The following MARCO variants were observed in gnomAD, a reference collection of about 807,000 sequenced individuals.
MARCO encodes the protein macrophage receptor MARCO.
MARCO carries 72 observed loss-of-function variants against 70.0 expected under a neutral mutation model. The observed-to-expected ratio is 1.03, with a 90% CI of 0.85 to 1.25. The LOEUF (loss-of-function observed/expected upper bound fraction) is 1.25, where lower values mean the gene tolerates loss of function less well. MARCO is among the 50% of genes most tolerant of loss of function. MARCO has a pLI of 0.00. For synonymous variants in MARCO, 273 were observed against 243.1 expected, an observed-to-expected ratio of 1.12 and a Z score of -1.14; for missense variants, 696 against 659.3, an observed-to-expected ratio of 1.06 and a Z score of -0.61.
At position 118,977,926 on chromosome 2, in the gene MARCO, G is replaced by A; in HGVS notation, c.757G>A (p.Gly253Ser). Residue 253 changes from glycine (G) to serine (S), a missense_variant, in exon 8 of 17, where the codon GGT (glycine) becomes AGT (serine). Around this residue, in one of 3 missense-constraint regions of MARCO, gnomAD observed 605 missense variants for 537.6 expected, o/e 1.13. Transcript: ENST00000327097. ...AACTAAGGGAGAGAAAGGAGACCTG[G>A]GTCTCCCAGGTGAGGGCCGTATTGG... Reference protein sequence around the residue: ...TGTKGEKGDLGLPGSKGDRGM... With the variant: ...TGTKGEKGDLSLPGSKGDRGM... 2 of 1,602,872 alleles carry A rather than the reference G, an allele frequency of 1.2e-6. No individual in the cohort carries two copies. The highest frequency in any genetic ancestry group is 2.2e-5 in the South Asian group (2 of 88,968).
In MARCO at chr2:118,962,530, A is replaced by G. The variant is rs546685692; in HGVS notation, c.98-6630A>G. Among the ~76,000 whole-genome samples, 63 of 151,822 alleles carry G rather than the reference A, an allele frequency of 4.1e-4. 1 individual carries two copies. In the South Asian group the frequency reaches 0.011, roughly 27 times the overall value. On this transcript the variant is annotated intron_variant, in intron 1 of 16. Transcript: ENST00000327097. The stretch of plus-strand genomic sequence containing the variant: ...TTGTTCTCTGCTTGCCTTTTACTGA[A>G]GATTTTTGTGTCAAAGTTCATGAAA...
chr2:118,982,529 C>G, intron 12 of MARCO, 119 bp downstream of exon 12: 1 of 966,494 alleles, frequency 1.0e-6, no homozygotes, highest in East Asian at 2.4e-5. Context: ...GCCTTGGCCT[C>G]TGAGGTTCCT....
At chr2:118,975,280 C>T (rs1573396392) in intron 6 of MARCO, among the ~76,000 whole-genome samples, 1 of 152,112 alleles carries the variant, frequency 6.6e-6, no homozygotes, top group Non-Finnish European at 1.5e-5. Flanking sequence ...TTGCAAATTC[C>T]GCAAGGGGTT....
chr2:118,957,329 A>G (rs1448409292), intron 1 of MARCO, among the ~76,000 whole-genome samples: 1 of 152,122 alleles, frequency 6.6e-6, no homozygotes, highest in Non-Finnish European at 1.5e-5. Flanking sequence ...ATTGAAATAC[A>G]AAAGATCATT....
chr2:118,971,326 T>C (rs1282455365), intron 3 of MARCO, among the ~76,000 whole-genome samples, 173 bp from the exon 4 acceptor site: 1 of 152,186 alleles, frequency 6.6e-6, no homozygotes, highest in Non-Finnish European at 1.5e-5. Context: ...CCAAGGACTC[T>C]TTCCCAAAAA....
chr2:118,981,761 C>T (rs903588510), intron 10 of MARCO, 105 bp downstream of exon 10: 20 of 1,176,684 alleles, frequency 1.7e-5, no homozygotes, highest in South Asian at 1.3e-4. Flanking sequence ...TAGTATTCAC[C>T]CAGAACACCT....
chr2:118,968,515 G>A (rs1680098701), intron 1 of MARCO, among the ~76,000 whole-genome samples: 1 of 152,178 alleles, frequency 6.6e-6, no homozygotes, highest in Non-Finnish European at 1.5e-5. Flanking sequence ...GGACAGGAGG[G>A]ATGGGAGGAA....
chr2:118,994,443 T>C lies in MARCO; in HGVS notation c.1486T>C (p.Trp496Arg). 6.2e-7 allele frequency: 1 copy of C among 1,614,062 alleles called. No individual in the cohort carries two copies. The highest frequency in any genetic ancestry group is 8.5e-7 in the Non-Finnish European group (1 of 1,179,980). ...GTGTCGGGGCACGGAGAGTACCCTG[T>C]GGAGCTGCACCAAGAATAGCTGGGG... is the stretch of plus-strand genomic sequence containing the variant. Reference protein sequence around the residue: ...VQCRGTESTLWSCTKNSWGHH... With the variant: ...VQCRGTESTLRSCTKNSWGHH... Residue 496 changes from tryptophan (W) to arginine (R), a missense_variant, in exon 17 of 17, where the codon TGG (tryptophan) becomes CGG (arginine). Trp to Arg is a moderately radical substitution (Grantham distance 101). This residue lies in a region of MARCO where 58 missense variants were observed against 62.1 expected (regional missense o/e 0.93). Coordinates refer to ENST00000327097, the MANE Select transcript of MARCO (RefSeq NM_006770.4).
intron 1 of MARCO, among the ~76,000 whole-genome samples, chr2:118,963,926 C>T (rs1385525242): frequency 6.6e-6 from 1 of 152,080 alleles, no homozygotes; most frequent in Non-Finnish European, 1.5e-5. Context: ...GTTTCCCATT[C>T]ATGTATTTCT....
At chr2:118,967,228 C>T (rs1212633662) in intron 1 of MARCO, among the ~76,000 whole-genome samples, 1 of 152,168 alleles carries the variant, frequency 6.6e-6, no homozygotes, top group South Asian at 2.1e-4. Context: ...TGAAGCAGGA[C>T]GGGCTCTACT....
intron 1 of MARCO, among the ~76,000 whole-genome samples, chr2:118,943,721 T>C (rs1023373016): frequency 1.3e-5 from 2 of 152,256 alleles, no homozygotes; most frequent in South Asian, 4.1e-4. Flanking sequence ...CATGTTTGTA[T>C]TGTATTCACA....
At chr2:118,950,650 G>T (rs1476992738) in intron 1 of MARCO, among the ~76,000 whole-genome samples, 2 of 152,050 alleles carry the variant, frequency 1.3e-5, no homozygotes, top group Non-Finnish European at 2.9e-5. Context: ...TTATAATTTT[G>T]TTTTTCACAA....
chr2:118,966,872 C>A (rs940900663), intron 1 of MARCO, among the ~76,000 whole-genome samples: 1 of 152,216 alleles, frequency 6.6e-6, no homozygotes, highest in African/African-American at 2.4e-5. Flanking sequence ...AAATGTGAGG[C>A]TCCCCTCGTG....
chr2:118,942,964 T>C (rs1359885024), intron 1 of MARCO, among the ~76,000 whole-genome samples: 1 of 152,262 alleles, frequency 6.6e-6, no homozygotes, highest in Non-Finnish European at 1.5e-5. Context: ...CTGTTGTCTT[T>C]ATTTTCTCAC....
At chr2:118,946,207 C>G (rs993867634) in intron 1 of MARCO, among the ~76,000 whole-genome samples, 1 of 152,096 alleles carries the variant, frequency 6.6e-6, no homozygotes, top group African/African-American at 2.4e-5. Context: ...AAAATTACAA[C>G]CAGGAAACTG....
intron 1 of MARCO, among the ~76,000 whole-genome samples, chr2:118,946,949 A>G (rs1165546922): frequency 6.6e-6 from 1 of 152,194 alleles, no homozygotes. Flanking sequence ...CTTAAATACC[A>G]TATGTATAGC....
chr2:118,968,956 A>G (rs1014004276), intron 1 of MARCO, among the ~76,000 whole-genome samples: 2 of 152,266 alleles, frequency 1.3e-5, no homozygotes, highest in African/African-American at 4.8e-5. Context: ...CCAGCCACAC[A>G]GATGAGTGAC....
chr2:118,973,990 C>T (rs184954794), intron 4 of MARCO, among the ~76,000 whole-genome samples: 177 of 152,294 alleles, frequency 1.2e-3, no homozygotes, highest in Middle Eastern at 3.4e-3. Context: ...ATGGTCCCCA[C>T]GTGGTAATCT....
intron 1 of MARCO, among the ~76,000 whole-genome samples, chr2:118,966,578 G>C (rs911887012): frequency 3.9e-5 from 6 of 152,094 alleles, no homozygotes; most frequent in African/African-American, 1.4e-4. Flanking sequence ...AGCATTCTGG[G>C]CCTGGATGGC....
Sources: gnomAD v4.1 joint callset for allele counts (sites outside exome capture counted in the v4.1 genomes callset) on GRCh38, gnomAD v4.1.1 for gene constraint, gnomAD v4.1.1 regional missense constraint, MANE v1.5 for transcripts, NCBI Gene and HGNC (gene_info 2026-07-23, HGNC 2026-07-21) for gene names.